CHD8: variants seen among roughly 807,000 people sequenced by gnomAD.
The protein encoded by CHD8 is ATP-dependent chromatin remodeler CHD8.
In CHD8, 31 loss-of-function variants were observed where a neutral mutation model predicts 279.2. That is an observed-to-expected ratio of 0.11 (90% CI 0.08 to 0.15). CHD8 has a LOEUF of 0.15. Among genes scored for constraint, CHD8 ranks in the 10% least tolerant of loss-of-function variants. The pLI, the probability that CHD8 is intolerant of heterozygous loss-of-function variation, is 1.00. For missense variants in CHD8, 2,146 were observed against 3,230.5 expected, an observed-to-expected ratio of 0.66 and a Z score of 8.14; for synonymous variants, 1,081 against 1,139.6, an observed-to-expected ratio of 0.95 and a Z score of 1.04.
Position 21,386,115 on chromosome 14 carries a change from C to A in CHD8, c.7244G>T (p.Ser2415Ile), listed in dbSNP as rs1192703055. Residue 2415 changes from serine (S) to isoleucine (I), a missense_variant, in exon 38 of 38, where the codon AGC becomes ATC. Ser to Ile is a moderately radical substitution (Grantham distance 142). This residue lies in a region of CHD8 where 336 missense variants were observed against 392.9 expected (regional missense o/e 0.86). Coordinates refer to ENST00000646647, the MANE Select transcript of CHD8 (RefSeq NM_001170629.2). ...TCGCATCCTACGGGCCCGCTTCTTGCTGCTCTCTGGTGCAATAGGCCCTGG... is the reference window on the plus strand; with the variant it reads ...TCGCATCCTACGGGCCCGCTTCTTGATGCTCTCTGGTGCAATAGGCCCTGG... Reference protein sequence around the residue: ...VLPGPIAPESSKKRARRMRPD... With the variant: ...VLPGPIAPESIKKRARRMRPD... 6.4e-7 allele frequency: 1 copy of A among 1,554,566 alleles called. No individual in the cohort carries two copies. The highest frequency in any genetic ancestry group is 8.7e-7 in the Non-Finnish European group (1 of 1,148,560).
chr14:21,448,063 T>A (rs1002748094), intron 1 of CHD8, among the ~76,000 whole-genome samples: 3 of 152,206 alleles, frequency 2.0e-5, no homozygotes, highest in African/African-American at 7.2e-5. Flanking sequence ...CTATTTTAAC[T>A]GAGCCAAGTA....
chr14:21,438,061 CT>C, intron 1 of CHD8, among the ~76,000 whole-genome samples: 1 of 152,036 alleles, frequency 6.6e-6, no homozygotes, highest in Non-Finnish European at 1.5e-5. Context: ...CCAAAGTAAA[CT>C]TGTTTTTTCC....
chr14:21,394,016 C>T lies in CHD8; in HGVS notation c.5779G>A (p.Val1927Ile). Residue 1927 changes from valine (V) to isoleucine (I), a missense_variant, in exon 32 of 38, where the codon GTT becomes ATT. Val to Ile is a conservative substitution (Grantham distance 29). Around this residue, in one of 26 missense-constraint regions of CHD8, gnomAD observed 513 missense variants for 637.6 expected, o/e 0.80. Transcript: ENST00000646647. ...GPELPKWWEP[V>I]RHDGELLRGA... ...CTTAGAAGCTCCCCATCATGCCGAA[C>T]AGGCTCCCACCATTTGGGCAATTCA... 2 of 1,613,834 alleles carry T rather than the reference C, an allele frequency of 1.2e-6. No individual in the cohort carries two copies. Among genetic ancestry groups the T allele is most frequent in the Non-Finnish European group, 1.7e-6 (2 of 1,179,806 alleles).
In CHD8 at chr14:21,429,862, C is replaced by T. The variant is rs1410948559; in HGVS notation, c.844-527G>A. On this transcript the variant is annotated intron_variant, in intron 2 of 37. Transcript: ENST00000646647. ...AGGTCTATGTTTCCCAGGCTGGTCT[C>T]GAACTCCTGGCCTCAAGCGATCCTC... 3.6e-5 allele frequency: 7 copies of T among 196,690 alleles called. No homozygotes were observed. The East Asian group carries it at 3.7e-4, about 10-fold the overall frequency. The allele number at this position is 196,690 out of a possible 1,614,324, so 12.2% of individuals were successfully genotyped here.
chr14:21,426,002 G>A (rs1889298965), intron 5 of CHD8, 126 bp downstream of exon 5: 1 of 623,500 alleles, frequency 1.6e-6, no homozygotes. Context: ...CCTTATTTAG[G>A]CCTACGCCCA....
Position 21,428,078 on chromosome 14 carries a change from A to G in CHD8, c.1392T>C (p.Ile464=). The G allele has an allele frequency of 2.0e-5, 32 of 1,614,008 alleles. No homozygotes were observed. The highest frequency in any genetic ancestry group is 2.7e-5 in the Non-Finnish European group (32 of 1,179,894). ...GGGCTCTCGCAATGGCCTCTGCTAC[A>G]ATCCGATTTGCTTTCTCTTGCTTCT... ...HQKKQEKANR[I]VAEAIARARA... is the part of the protein sequence containing the mutation. The change falls in exon 4 of 38, where the codon ATT becomes ATC. Residue 464 remains isoleucine (I), a synonymous_variant. Coordinates refer to ENST00000646647, the MANE Select transcript of CHD8 (RefSeq NM_001170629.2).
intron 5 of CHD8, among the ~76,000 whole-genome samples, chr14:21,423,387 T>C (rs937607559): frequency 6.6e-6 from 1 of 152,128 alleles, no homozygotes; most frequent in African/African-American, 2.4e-5. Context: ...GGTCCCAACT[T>C]GATTTTATAA....
intron 1 of CHD8, among the ~76,000 whole-genome samples, chr14:21,435,516 G>C (rs1889746111): frequency 6.6e-6 from 1 of 151,870 alleles, no homozygotes; most frequent in African/African-American, 2.4e-5. Flanking sequence ...CCTCACCCTT[G>C]CCCATTTCTA....
At position 21,427,889 on chromosome 14, in the gene CHD8, T is replaced by A. The variant is rs755672132; in HGVS notation, c.1581A>T (p.Thr527=). Residue 527 remains threonine (T), a synonymous_variant, in exon 4 of 38, where the codon ACA becomes ACT. Coordinates refer to ENST00000646647, the MANE Select transcript of CHD8 (RefSeq NM_001170629.2). ...KKSKTSGASK[T]KGKSKLNTIT... is the part of the protein sequence containing the mutation. ...CTCACTTGAGCTTGCTCTTGCCCTT[T>A]GTTTTGGAGGCACCAGATGTTTTAC... 7.4e-6 allele frequency: 12 copies of A among 1,613,998 alleles called. 1 individual carries two copies. The East Asian group carries it at 8.9e-5, about 12-fold the overall frequency.
Position 21,385,835 on chromosome 14 carries a change from A to G in CHD8, c.7524T>C (p.His2508=). ...HPHPHHHHHH[H]PGLRAPGYPS... ...GGTAGCCAGGGGCTCTCAAGCCTGG[A>G]TGGTGATGGTGGTGATGGTGGGGGT... Residue 2508 remains histidine (H), a synonymous_variant, in exon 38 of 38, where the codon CAT becomes CAC. Transcript: ENST00000646647. The G allele has an allele frequency of 1.4e-6, 1 of 720,008 alleles. No homozygotes were observed. The allele number at this position is 720,008 out of a possible 1,614,324, so 44.6% of individuals were successfully genotyped here. A position where few individuals can be genotyped will look rare whatever the true frequency, so the allele number is the denominator to read the frequency against.
At chr14:21,428,291 G>T (rs751898618) in intron 3 of CHD8, 37 bp from the exon 4 acceptor site, 5 of 1,593,966 alleles carry the variant, frequency 3.1e-6, no homozygotes, top group African/African-American at 1.3e-5. Context: ...CAACTTGCTT[G>T]TAGTTAAATG....
intron 5 of CHD8, among the ~76,000 whole-genome samples, chr14:21,417,869 T>A (rs868188847): frequency 0.02 from 2,795 of 137,598 alleles, 98 homozygotes; most frequent in African/African-American, 0.073. Flanking sequence ...AAAAAAAATA[T>A]ATATATATAT....
At position 21,403,362 on chromosome 14, in the gene CHD8, A is replaced by G. The variant is rs1049235664; in HGVS notation, c.3518+91T>C. ...AATCTTAAAAACTTCTCTTATTGCA[A>G]TTGGTGAACTCTAATTAAATCCAGG... On this transcript the variant is annotated intron_variant, in intron 17 of 37. Transcript: ENST00000646647. The surrounding 1 kb of genome is among the most constrained non-coding windows in gnomAD (Gnocchi z 4.3). 52 of 1,281,626 alleles carry G rather than the reference A, an allele frequency of 4.1e-5. No homozygotes were observed. The highest frequency in any genetic ancestry group is 5.2e-5 in the Non-Finnish European group (48 of 917,690). 79.4% of individuals were successfully genotyped at this position (1,281,626 alleles called of 1,614,324 possible).
chr14:21,437,800 A>G (rs1302056256), intron 1 of CHD8, among the ~76,000 whole-genome samples: 1 of 152,028 alleles, frequency 6.6e-6, no homozygotes, highest in Non-Finnish European at 1.5e-5. Context: ...CATTTTTGAC[A>G]CTGTGACCCT....
chr14:21,415,068 T>C (rs1163156252), intron 7 of CHD8, 75 bp from the exon 8 acceptor site: 6 of 910,056 alleles, frequency 6.6e-6, no homozygotes, highest in Non-Finnish European at 1.0e-5. Flanking sequence ...TAACCACACA[T>C]TGCAGAACTT....
chr14:21,388,373 C>T (rs931857734), intron 37 of CHD8, among the ~76,000 whole-genome samples: 1 of 151,990 alleles, frequency 6.6e-6, no homozygotes, highest in Admixed American at 6.6e-5. Flanking sequence ...TAAAACAATA[C>T]CGTGTAACAA....
In CHD8 at chr14:21,386,055, C is replaced by A; in HGVS notation, c.7304G>T (p.Gly2435Val). 1 of 1,591,364 alleles carries A rather than the reference C, an allele frequency of 6.3e-7. No homozygotes were observed. Among genetic ancestry groups the A allele is most frequent in the Non-Finnish European group, 8.6e-7 (1 of 1,168,594 alleles). ...DLSKMMALMQGGSTGSLSLHN... is the reference protein window; with the variant it reads ...DLSKMMALMQVGSTGSLSLHN... ...CAGAGATAGAGACCCAGTGCTTCCA[C>A]CCTGCATGAGGGCCATCATCTTAGA... Residue 2435 changes from glycine to valine, a missense_variant, in exon 38 of 38, where the codon GGT becomes GTT. Transcript: ENST00000646647.
At chr14:21,389,260 A>C (rs1400533499) in intron 37 of CHD8, among the ~76,000 whole-genome samples, 3 of 150,116 alleles carry the variant, frequency 2.0e-5, no homozygotes, top group Admixed American at 6.7e-5. Context: ...AGATCAGTCC[A>C]TTGCACTCCA....
chr14:21,454,575 G>C (rs548462982), intron 1 of CHD8, among the ~76,000 whole-genome samples: 6 of 152,116 alleles, frequency 3.9e-5, no homozygotes, highest in African/African-American at 1.4e-4. Context: ...TGATCCGTCC[G>C]CCTCCACCTC....
Sources: allele counts gnomAD v4.1 joint callset (sites outside exome capture counted in the v4.1 genomes callset), GRCh38; gene constraint gnomAD v4.1.1; regional missense constraint gnomAD v4.1.1; non-coding constraint Gnocchi (gnomAD v3.1); transcripts MANE v1.5; gene names NCBI Gene and HGNC (gene_info 2026-07-23, HGNC 2026-07-21).